Variants in TG observed in about 807,000 individuals in gnomAD.
TG encodes the protein thyroid hormones.
A neutral mutation model predicts 324.7 loss-of-function variants in TG; 270 were observed. That is an observed-to-expected ratio of 0.83 (90% CI 0.75 to 0.92). The LOEUF (loss-of-function observed/expected upper bound fraction) is 0.92. Ranked by LOEUF, TG falls within the 40% of genes least tolerant of loss-of-function variation. The pLI is 0.00. For missense variants in TG, 3,591 were observed against 3,456.4 expected (o/e 1.04, Z -0.98); for synonymous variants, 1,401 against 1,327.0 (o/e 1.06, Z -1.21).
chr8:132,909,271 A>G (rs1819158315), intron 18 of TG, among the ~76,000 whole-genome samples: 1 of 152,172 alleles, frequency 6.6e-6, no homozygotes, highest in Non-Finnish European at 1.5e-5. Flanking sequence ...ATCTTGACAT[A>G]TTGGGACAAA....
At chr8:133,015,620 T>C (rs1834955693) in intron 37 of TG, among the ~76,000 whole-genome samples, 1 of 152,222 alleles carries the variant, frequency 6.6e-6, no homozygotes. Flanking sequence ...TTTATATTTG[T>C]TCTGGCTTTG....
rs148894907 is a variant in TG at position 132,893,813 on chromosome 8, G to C, written c.2885G>C (p.Gly962Ala). 2.5e-6 allele frequency: 4 copies of C among 1,613,908 alleles called. No individual in the cohort carries two copies. The highest frequency in any genetic ancestry group is 1.1e-5 in the South Asian group (1 of 91,094). Residue 962 changes from glycine to alanine, a missense_variant, in exon 11 of 48, where the codon GGA becomes GCA. Gly to Ala is a moderately conservative substitution (Grantham distance 60). Coordinates refer to ENST00000220616, the MANE Select transcript of TG (RefSeq NM_003235.5). ...PLGESFLVAK[G>A]IRLRNEDLGL... ...GGGGAGAGTTTCCTGGTGGCCAAGG[G>C]AATCCGGCTGAGGAATGAGGACCTC...
At chr8:133,038,499 C>T in intron 41 of TG, 1 of 1,546,226 alleles carries the variant, frequency 6.5e-7, no homozygotes. Flanking sequence ...TCCTTTTGGG[C>T]ATGAACCATT....
chr8:132,887,230 T>C lies in TG; in HGVS notation c.1858T>C (p.Cys620Arg), dbSNP rs149681938. The change falls in exon 9 of 48, where the codon TGC becomes CGC. Residue 620 changes from cysteine (C) to arginine (R), a missense_variant. Cys to Arg is a radical substitution (Grantham distance 180). Coordinates refer to ENST00000220616, the MANE Select transcript of TG (RefSeq NM_003235.5). Reference sequence around the variant, plus strand: ...ACCTGAAAGGCTATTTGTCCCATCATGCACGACAGAAGGAAGCTATGAGGA... The same window carrying C: ...ACCTGAAAGGCTATTTGTCCCATCACGCACGACAGAAGGAAGCTATGAGGA... ...QTPERLFVPS[C>R]TTEGSYEDVQ... The C allele has an allele frequency of 1.2e-6, 2 of 1,608,898 alleles. No homozygotes were observed. The highest frequency in any genetic ancestry group is 2.2e-5 in the East Asian group (1 of 44,822).
At chr8:133,007,491 A>G (rs1481790654) in intron 35 of TG, among the ~76,000 whole-genome samples, 1 of 152,108 alleles carries the variant, frequency 6.6e-6, no homozygotes, top group Admixed American at 6.6e-5. Context: ...CAAAAACTAG[A>G]ATTAGACCAG....
Position 133,113,609 on chromosome 8 carries a change from C to T in TG, c.7754+6C>T, listed in dbSNP as rs1850446889. The stretch of plus-strand genomic sequence containing the variant: ...GCTCTGGAGAATGCCACCCGGTAAG[C>T]TAAGCTGCAGGAGGGTGCAGATTCC... On this transcript the variant is annotated splice_donor_region_variant and intron_variant, in intron 44 of 47. Transcript: ENST00000220616. 3 of 1,613,618 alleles carry T rather than the reference C, an allele frequency of 1.9e-6. No homozygotes were observed. Among genetic ancestry groups the T allele is most frequent in the Non-Finnish European group, 2.5e-6 (3 of 1,179,728 alleles).
rs139639073 is a variant in TG at position 133,078,245 on chromosome 8, G to A, written c.7240-16799G>A. Among the ~76,000 whole-genome samples, 576 of 152,332 alleles carry A rather than the reference G, an allele frequency of 3.8e-3. 3 individuals carry two copies. The highest frequency in any genetic ancestry group is 6.8e-3 in the Middle Eastern group (2 of 294). On this transcript the variant is annotated intron_variant, in intron 41 of 47. Transcript: ENST00000220616. ...TGGGAATTAGGGCTTGGAAGCTACAGTATGGGCAGCCTGTGAGCTGCATCT... is the reference window on the plus strand; with the variant it reads ...TGGGAATTAGGGCTTGGAAGCTACAATATGGGCAGCCTGTGAGCTGCATCT...
intron 43 of TG, among the ~76,000 whole-genome samples, chr8:133,096,737 T>C (rs16904829): frequency 0.034 from 5,197 of 152,252 alleles, 292 homozygotes; most frequent in African/African-American, 0.12. Flanking sequence ...GGCAGGGAGA[T>C]GAAGGGACTC....
intron 20 of TG, among the ~76,000 whole-genome samples, chr8:132,917,124 G>A (rs935788206): frequency 2.7e-5 from 4 of 146,578 alleles, no homozygotes; most frequent in Admixed American, 1.4e-4. Flanking sequence ...TCATCCATCC[G>A]AACTTTCAAA....
intron 40 of TG, among the ~76,000 whole-genome samples, chr8:133,024,273 T>C (rs930495075): frequency 6.6e-6 from 1 of 152,196 alleles, no homozygotes; most frequent in South Asian, 2.1e-4. Flanking sequence ...TGCTGAACAG[T>C]GTCTGTCTTT....
At chr8:133,021,869 C>T (rs1835596132) in intron 39 of TG, 122 bp from the exon 40 acceptor site, 1 of 1,202,342 alleles carries the variant, frequency 8.3e-7, no homozygotes, top group Non-Finnish European at 1.2e-6. Flanking sequence ...CCATCCACTG[C>T]ATGGGGCTAA....
intron 47 of TG, 137 bp from the exon 48 acceptor site, chr8:133,134,539 A>C: frequency 1.3e-6 from 1 of 796,420 alleles, no homozygotes; most frequent in Non-Finnish European, 2.2e-6. Context: ...CACCTCAGCC[A>C]GTGGAAAATT....
In TG at chr8:132,913,115, C is replaced by T; in HGVS notation, c.4228C>T (p.Leu1410Phe). 3 of 1,614,218 alleles carry T rather than the reference C, an allele frequency of 1.9e-6. No homozygotes were observed. Among genetic ancestry groups the T allele is most frequent in the Admixed American group, 3.3e-5 (2 of 60,038 alleles). ...TDLIQSGSFQLHLDSKTFPAE... is the reference protein window; with the variant it reads ...TDLIQSGSFQFHLDSKTFPAE... ...TCTGATCCAGAGTGGCTCATTCCAG[C>T]TTCATCTGGACTCCAAGACGTTCCC... The change falls in exon 20 of 48, where the codon CTT becomes TTT. Residue 1410 changes from leucine to phenylalanine, a missense_variant. Physicochemically the swap from Leu to Phe is conservative, Grantham distance 22. Coordinates refer to ENST00000220616, the MANE Select transcript of TG (RefSeq NM_003235.5).
intron 11 of TG, among the ~76,000 whole-genome samples, chr8:132,894,924 T>C (rs943770877): frequency 6.6e-6 from 1 of 152,226 alleles, no homozygotes; most frequent in Admixed American, 6.5e-5. Flanking sequence ...TTAAGTCACT[T>C]GCCCGAATTC....
chr8:133,104,285 C>T (rs533131971), intron 43 of TG, among the ~76,000 whole-genome samples: 3 of 152,288 alleles, frequency 2.0e-5, no homozygotes, highest in Non-Finnish European at 4.4e-5. Context: ...TGGGCAGTTA[C>T]TGGAATGTTT....
Position 132,867,020 on chromosome 8 carries a change from T to A in TG, c.20T>A (p.Ile7Asn). ...AGGAAAATGGCCCTGGTCCTGGAGA[T>A]CTTCACCCTGCTGGCCTCCATCTGC... is the stretch of plus-strand genomic sequence containing the variant. MALVLE[I>N]FTLLASICWV... Residue 7 changes from isoleucine (I) to asparagine (N), a missense_variant, in exon 1 of 48, where the codon ATC (isoleucine) becomes AAC (asparagine). Coordinates refer to ENST00000220616, the MANE Select transcript of TG (RefSeq NM_003235.5). The A allele has an allele frequency of 1.2e-6, 2 of 1,600,608 alleles. No homozygotes were observed. Among genetic ancestry groups the A allele is most frequent in the South Asian group, 1.1e-5 (1 of 88,688 alleles).
At chr8:133,082,555 C>T (rs147801843) in intron 41 of TG, among the ~76,000 whole-genome samples, 20 of 152,296 alleles carry the variant, frequency 1.3e-4, no homozygotes, top group African/African-American at 4.6e-4. Context: ...CTGTGGGCAC[C>T]GGGAAAGTGG....
intron 43 of TG, among the ~76,000 whole-genome samples, chr8:133,106,718 C>T (rs1484406453): frequency 6.6e-6 from 1 of 152,206 alleles, no homozygotes. Context: ...TTCCGGCTTC[C>T]TGTTCTATGC....
At chr8:132,913,302 C>T in intron 20 of TG, 37 bp downstream of exon 20, 1 of 1,602,844 alleles carries the variant, frequency 6.2e-7, no homozygotes, top group Non-Finnish European at 8.5e-7. Flanking sequence ...TCCTGTGGAG[C>T]CATGTGAGGC....
Sources: gnomAD v4.1 joint callset for allele counts (sites outside exome capture counted in the v4.1 genomes callset) on GRCh38, gnomAD v4.1.1 for gene constraint, MANE v1.5 for transcripts, NCBI Gene and HGNC (gene_info 2026-07-23, HGNC 2026-07-21) for gene names.